NUDCD3: variants seen among roughly 807,000 people sequenced by gnomAD.
NUDCD3 encodes the protein nudC domain-containing protein 3.
A neutral mutation model predicts 39.7 loss-of-function variants in NUDCD3; 13 were observed. The ratio of observed to expected loss-of-function variants is 0.33; its 90% confidence interval spans 0.21 to 0.52. NUDCD3 has a LOEUF of 0.52. NUDCD3 is among the 20% of genes least tolerant of loss of function. NUDCD3 has a pLI of 0.96. For synonymous variants in NUDCD3, 175 were observed against 172.4 expected, an observed-to-expected ratio of 1.02 and a Z score of -0.12; for missense variants, 453 against 458.1, an observed-to-expected ratio of 0.99 and a Z score of 0.10.
intron 2 of NUDCD3, among the ~76,000 whole-genome samples, chr7:44,454,441 T>C (rs891967900): frequency 6.6e-6 from 1 of 152,256 alleles, no homozygotes; most frequent in Non-Finnish European, 1.5e-5. Context: ...GTATCAAGTT[T>C]GGTCAAATTA....
At chr7:44,452,597 G>C (rs917729556) in intron 2 of NUDCD3, among the ~76,000 whole-genome samples, 1 of 152,158 alleles carries the variant, frequency 6.6e-6, no homozygotes, top group African/African-American at 2.4e-5. Context: ...AGGCAAACAG[G>C]GGCTCAGGAT....
At chr7:44,475,296 G>C (rs1376737279) in intron 2 of NUDCD3, among the ~76,000 whole-genome samples, 2 of 151,906 alleles carry the variant, frequency 1.3e-5, no homozygotes, top group Non-Finnish European at 2.9e-5. Flanking sequence ...ATTTTTAGTA[G>C]AGACAGGCTG....
intron 2 of NUDCD3, among the ~76,000 whole-genome samples, chr7:44,464,392 A>C (rs1422817303): frequency 2.0e-5 from 3 of 152,158 alleles, no homozygotes; most frequent in Admixed American, 2.0e-4. Flanking sequence ...GTTAGAACAC[A>C]ATATAGCACA....
At chr7:44,428,113 G>A (rs1799273530) in intron 2 of NUDCD3, among the ~76,000 whole-genome samples, 1 of 143,296 alleles carries the variant, frequency 7.0e-6, no homozygotes, top group South Asian at 2.2e-4. Flanking sequence ...TGCTTGGCAG[G>A]GTCAATCTTT....
chr7:44,427,499 G>A, intron 3 of NUDCD3, 72 bp downstream of exon 3: 2 of 1,530,468 alleles, frequency 1.3e-6, no homozygotes, highest in Non-Finnish European at 1.8e-6. Flanking sequence ...CAAGGATGCT[G>A]GTGGGTCTTC....
In NUDCD3 at chr7:44,477,597, C is replaced by T. The variant is rs1029154230; in HGVS notation, c.509+7371G>A. Among the ~76,000 whole-genome samples, 8 of 152,250 alleles carry T rather than the reference C, an allele frequency of 5.3e-5. No individual in the cohort carries two copies. The South Asian group carries it at 1.7e-3, about 32-fold the overall frequency. Reference sequence around the variant, plus strand: ...TGACGGCCCATGCCCAGGAAACCAACACCAAACCCTACCGTGAGGTCATCC... The same window carrying T: ...TGACGGCCCATGCCCAGGAAACCAATACCAAACCCTACCGTGAGGTCATCC... On this transcript the variant is annotated intron_variant, in intron 2 of 5. Coordinates refer to ENST00000355451, the MANE Select transcript of NUDCD3 (RefSeq NM_015332.4).
At chr7:44,423,943 GAT>G (rs1313520610) in intron 3 of NUDCD3, among the ~76,000 whole-genome samples, 1 of 152,106 alleles carries the variant, frequency 6.6e-6, no homozygotes, top group Admixed American at 6.5e-5. Context: ...TACCAAAAGA[GAT>G]ATATAAACCA....
Position 44,457,040 on chromosome 7 carries a change from A to C in NUDCD3, c.509+27928T>G, listed in dbSNP as rs907134576. On this transcript the variant is annotated intron_variant, in intron 2 of 5. Coordinates refer to ENST00000355451, the MANE Select transcript of NUDCD3 (RefSeq NM_015332.4). Reference sequence around the variant, plus strand: ...ATATAACCTGGTTAAAAAAAAAAAAACCTAAAATTCACATGTCCCAATAAT... The same window carrying C: ...ATATAACCTGGTTAAAAAAAAAAAACCCTAAAATTCACATGTCCCAATAAT... Among the ~76,000 whole-genome samples, 14 of 151,874 alleles carry C rather than the reference A, an allele frequency of 9.2e-5. No individual in the cohort carries two copies. In the East Asian group the frequency reaches 1.4e-3, roughly 15 times the overall value.
intron 2 of NUDCD3, among the ~76,000 whole-genome samples, chr7:44,456,025 C>CAAAAAAAAA (rs1233592095): frequency 1.2e-3 from 33 of 28,472 alleles, no homozygotes; most frequent in South Asian, 1.9e-3. Flanking sequence ...GACTCCGTCT[C>CAAAAAAAAA]AAAAAAAAAA....
intron 2 of NUDCD3, among the ~76,000 whole-genome samples, chr7:44,456,608 T>C (rs77709911): frequency 0.052 from 7,909 of 152,118 alleles, 271 homozygotes; most frequent in South Asian, 0.089. Flanking sequence ...ATCTCTACTT[T>C]AGCTAGGCAT....
rs1430282280 is a variant in NUDCD3 at position 44,422,604 on chromosome 7, G to GA, written c.642+4966dup. Among the ~76,000 whole-genome samples, 4 of 152,110 alleles carry GA rather than the reference G, an allele frequency of 2.6e-5. No individual in the cohort carries two copies. In the East Asian group the frequency reaches 7.7e-4, roughly 29 times the overall value. On this transcript the variant is annotated intron_variant, in intron 3 of 5. Transcript: ENST00000355451. ...TAAACCAGGAAGAAGTCAAATCCCTGAAAAGACCAATAACAAGTTCTGAAA... is the reference window on the plus strand; with the variant it reads ...TAAACCAGGAAGAAGTCAAATCCCTGAAAAAGACCAATAACAAGTTCTGAAA...
At chr7:44,463,112 G>T (rs985353312) in intron 2 of NUDCD3, among the ~76,000 whole-genome samples, 2 of 152,180 alleles carry the variant, frequency 1.3e-5, no homozygotes, top group African/African-American at 4.8e-5. Context: ...TGCAGCCTGG[G>T]TGTGTCTTGA....
chr7:44,416,320 C>T (rs1174798214), intron 3 of NUDCD3, among the ~76,000 whole-genome samples: 2 of 151,886 alleles, frequency 1.3e-5, no homozygotes, highest in East Asian at 3.9e-4. Flanking sequence ...AATTCCTGGG[C>T]TCAAGCAATC....
intron 5 of NUDCD3, among the ~76,000 whole-genome samples, chr7:44,387,275 C>T (rs185595821): frequency 2.6e-5 from 4 of 152,344 alleles, no homozygotes; most frequent in Non-Finnish European, 5.9e-5. Flanking sequence ...ATCCTCCCAC[C>T]TCAGCCTCCT....
chr7:44,458,235 C>T (rs557334584), intron 2 of NUDCD3, among the ~76,000 whole-genome samples: 7 of 152,160 alleles, frequency 4.6e-5, no homozygotes, highest in Non-Finnish European at 8.8e-5. Context: ...ATGTATTATT[C>T]CATTTATATG....
At chr7:44,458,107 C>T (rs981493666) in intron 2 of NUDCD3, among the ~76,000 whole-genome samples, 1 of 152,104 alleles carries the variant, frequency 6.6e-6, no homozygotes, top group African/African-American at 2.4e-5. Context: ...GAAGTATGTC[C>T]ATACAATAAA....
rs1482391906 is a variant in NUDCD3, at chr7:44,490,583, G to A, written c.18C>T (p.Ala6=). The A allele has an allele frequency of 2.5e-6, 4 of 1,609,034 alleles. No homozygotes were observed. The highest frequency in any genetic ancestry group is 3.4e-6 in the Non-Finnish European group (4 of 1,177,878). ...CCAAAAGGGCCTGGTCATACAGCTC[G>A]GCCGCCCCTGTCTCCATGTCGCCTC... METGA[A]ELYDQALLGI... is the part of the protein sequence containing the mutation. The change falls in exon 1 of 6, where the codon GCC becomes GCT. Residue 6 remains alanine, a synonymous_variant. Transcript: ENST00000355451.
At chr7:44,408,623 A>G (rs1798870697) in intron 3 of NUDCD3, among the ~76,000 whole-genome samples, 1 of 152,232 alleles carries the variant, frequency 6.6e-6, no homozygotes, top group African/African-American at 2.4e-5. Flanking sequence ...AAAAGCAACC[A>G]AAAAGTTGGC....
intron 1 of NUDCD3, chr7:44,489,866 T>G (rs1187525434): frequency 6.6e-6 from 1 of 152,328 alleles, no homozygotes; most frequent in East Asian, 1.9e-4. Context: ...GAATGAGTAT[T>G]GACAGCGTTT....
Sources: gnomAD v4.1 joint callset for allele counts (sites outside exome capture counted in the v4.1 genomes callset) on GRCh38, gnomAD v4.1.1 for gene constraint, MANE v1.5 for transcripts, NCBI Gene and HGNC (gene_info 2026-07-23, HGNC 2026-07-21) for gene names.